CPVL: variants seen among roughly 807,000 people sequenced by gnomAD.
The protein encoded by CPVL is probable serine carboxypeptidase CPVL.
A neutral mutation model predicts 63.7 loss-of-function variants in CPVL; 51 were observed. The observed-to-expected ratio is 0.80, with a 90% CI of 0.64 to 1.01. CPVL has a LOEUF of 1.01. Among genes scored for constraint, CPVL ranks in the 50% least tolerant of loss-of-function variants. The probability of loss-of-function intolerance (pLI) is 0.00; values close to 1 mark genes in which losing one functional copy is unlikely to be tolerated. For synonymous variants in CPVL, 195 were observed against 206.0 expected, an observed-to-expected ratio of 0.95 and a Z score of 0.46; for missense variants, 530 against 573.1, an observed-to-expected ratio of 0.92 and a Z score of 0.77.
intron 11 of CPVL, among the ~76,000 whole-genome samples, chr7:29,056,741 G>A (rs1225295325): frequency 6.6e-6 from 1 of 152,062 alleles, no homozygotes; most frequent in Non-Finnish European, 1.5e-5. Context: ...ATTAAATTTT[G>A]TAAGAAATTT....
Position 28,995,762 on chromosome 7 carries a change from G to A in CPVL, c.*10C>T. On this transcript the variant is annotated 3_prime_UTR_variant, in exon 13 of 13. Coordinates refer to ENST00000265394, the MANE Select transcript of CPVL (RefSeq NM_031311.5). The stretch of plus-strand genomic sequence containing the variant: ...TGAAAACCTCTGATGTTCTCTTTTG[G>A]GAAGGTAGTTTATCCAACATAAGGA... 2 of 1,473,568 alleles carry A rather than the reference G, an allele frequency of 1.4e-6. No homozygotes were observed. The highest frequency in any genetic ancestry group is 1.4e-5 in the African/African-American group (1 of 71,152). 91.3% of individuals were successfully genotyped at this position (1,473,568 alleles called of 1,614,324 possible). A position where few individuals can be genotyped will look rare whatever the true frequency, so the allele number is the denominator to read the frequency against.
At chr7:29,083,182 C>T (rs759683890) in intron 7 of CPVL, among the ~76,000 whole-genome samples, 9 of 152,228 alleles carry the variant, frequency 5.9e-5, no homozygotes, top group Non-Finnish European at 1.3e-4. Context: ...GTTCCAGTTA[C>T]TTGCCATTCC....
At chr7:29,019,407 C>T (rs932281672) in intron 12 of CPVL, among the ~76,000 whole-genome samples, 3 of 152,128 alleles carry the variant, frequency 2.0e-5, no homozygotes, top group Non-Finnish European at 4.4e-5. Context: ...TCTCTGAAGG[C>T]TGGTGGGAGC....
chr7:29,169,580 A>G (rs1275253659), intron 5 of CPVL, among the ~76,000 whole-genome samples: 1 of 152,190 alleles, frequency 6.6e-6, no homozygotes, highest in Admixed American at 6.5e-5. Flanking sequence ...CTGAAGAGTA[A>G]CTGAAAAGAC....
At chr7:29,035,441 A>T (rs1473503098) in intron 11 of CPVL, among the ~76,000 whole-genome samples, 2 of 152,214 alleles carry the variant, frequency 1.3e-5, no homozygotes, top group African/African-American at 4.8e-5. Context: ...TTAGTTGCAT[A>T]TGAGACACAG....
intron 1 of CPVL, among the ~76,000 whole-genome samples, chr7:29,133,584 C>T (rs1790910190): frequency 6.6e-6 from 1 of 152,186 alleles, no homozygotes; most frequent in Non-Finnish European, 1.5e-5. Context: ...TACCTGATGC[C>T]CCATGGGTAT....
At chr7:29,153,215 T>C (rs77343846) in intron 5 of CPVL, among the ~76,000 whole-genome samples, 1,720 of 152,330 alleles carry the variant, frequency 0.011, 34 homozygotes, top group African/African-American at 0.039. Context: ...TCTAGACATA[T>C]GGTATGTGGG....
intron 12 of CPVL, among the ~76,000 whole-genome samples, chr7:29,013,582 A>C (rs1786076183): frequency 6.6e-6 from 1 of 152,242 alleles, no homozygotes; most frequent in Non-Finnish European, 1.5e-5. Flanking sequence ...CAAACAAAGA[A>C]AGACCAAGTT....
intron 9 of CPVL, among the ~76,000 whole-genome samples, chr7:29,067,742 C>A (rs1783276723): frequency 6.6e-6 from 1 of 152,106 alleles, no homozygotes; most frequent in African/African-American, 2.4e-5. Context: ...CTATCAAGTA[C>A]AAATTTAGGT....
chr7:29,162,082 T>TA (rs1193545344), intron 5 of CPVL, among the ~76,000 whole-genome samples: 1 of 152,212 alleles, frequency 6.6e-6, no homozygotes, highest in Admixed American at 6.5e-5. Context: ...GTGGCAATGT[T>TA]AAACAGTACA....
chr7:29,157,654 T>C (rs1794593180), intron 5 of CPVL, among the ~76,000 whole-genome samples: 1 of 152,228 alleles, frequency 6.6e-6, no homozygotes, highest in African/African-American at 2.4e-5. Flanking sequence ...CGCTCCATAA[T>C]GTTTCATTGG....
intron 10 of CPVL, among the ~76,000 whole-genome samples, chr7:29,065,445 G>A (rs946059626): frequency 1.4e-5 from 2 of 143,766 alleles, no homozygotes. Context: ...ACCTACTTTG[G>A]CTCCTTCTGT....
rs1788361464 is a variant in CPVL at position 29,112,648 on chromosome 7, C to T, written c.288+56G>A. 6.2e-6 allele frequency: 7 copies of T among 1,129,974 alleles called. No individual in the cohort carries two copies. In the East Asian group the frequency reaches 1.4e-4, roughly 23 times the overall value. 70.0% of individuals were successfully genotyped at this position (1,129,974 alleles called of 1,614,324 possible). On this transcript the variant is annotated intron_variant, in intron 3 of 12. Transcript: ENST00000265394. ...GTAGCTCGGTAGGCTAACATTTCTA[C>T]CCTCAAACGGCAAGCCAGGTCTTGA...
intron 7 of CPVL, among the ~76,000 whole-genome samples, chr7:29,079,402 G>C (rs756744845): frequency 2.6e-5 from 4 of 152,166 alleles, no homozygotes; most frequent in Non-Finnish European, 2.9e-5. Context: ...TCCAATGCTG[G>C]CTCCTCCACT....
intron 5 of CPVL, among the ~76,000 whole-genome samples, chr7:29,165,083 T>TA (rs35490950): frequency 0.11 from 17,353 of 152,174 alleles, 1,128 homozygotes; most frequent in African/African-American, 0.16. Flanking sequence ...TGTCAATTTC[T>TA]AAAAAACAAG....
intron 5 of CPVL, among the ~76,000 whole-genome samples, chr7:29,178,415 C>T (rs775125887): frequency 2.0e-5 from 3 of 152,132 alleles, no homozygotes; most frequent in Non-Finnish European, 4.4e-5. Context: ...ACGCCAGCTC[C>T]ACTGGCCGCC....
At chr7:29,171,614 C>G (rs1392758033) in intron 5 of CPVL, among the ~76,000 whole-genome samples, 1 of 152,114 alleles carries the variant, frequency 6.6e-6, no homozygotes, top group Non-Finnish European at 1.5e-5. Flanking sequence ...CCTTAAGGGG[C>G]ACTATTAAAT....
At chr7:29,036,280 A>T (rs926369426) in intron 11 of CPVL, among the ~76,000 whole-genome samples, 10 of 152,204 alleles carry the variant, frequency 6.6e-5, no homozygotes, top group Non-Finnish European at 1.2e-4. Flanking sequence ...ACAGAATTGT[A>T]ACGAGAACTA....
In CPVL at chr7:29,096,152, A is replaced by G; in HGVS notation, c.354T>C (p.Phe118=). ...LQGGPGGSSM[F]GLFVEHGPYV... is the part of the protein sequence containing the mutation. ...AAGGCCCATGTTCCACAAAGAGTCC[A>G]AACATGGATGAACCTCCCGGCCCAC... Residue 118 remains phenylalanine, a synonymous_variant, in exon 4 of 13, where the codon TTT becomes TTC. Transcript: ENST00000265394. 1 of 1,614,232 alleles carries G rather than the reference A, an allele frequency of 6.2e-7. No homozygotes were observed. The highest frequency in any genetic ancestry group is 8.5e-7 in the Non-Finnish European group (1 of 1,180,034).
Sources: allele counts gnomAD v4.1 joint callset (sites outside exome capture counted in the v4.1 genomes callset), GRCh38; gene constraint gnomAD v4.1.1; transcripts MANE v1.5; gene names NCBI Gene and HGNC (gene_info 2026-07-23, HGNC 2026-07-21).